NAGPA: variants seen among roughly 807,000 people sequenced by gnomAD.
The protein encoded by NAGPA is N-acetylglucosamine-1-phosphodiester alpha-N-acetylglucosaminidase.
In NAGPA, 56 loss-of-function variants were observed where a neutral mutation model predicts 48.5. The observed-to-expected ratio is 1.15, with a 90% CI of 0.93 to 1.44. NAGPA has a LOEUF of 1.44. NAGPA is among the 40% of genes most tolerant of loss of function. The pLI, the probability that NAGPA is intolerant of heterozygous loss-of-function variation, is 0.00. For missense variants in NAGPA, 888 were observed against 735.0 expected (o/e 1.21, Z -2.41); for synonymous variants, 399 against 315.5 (o/e 1.26, Z -2.81).
In NAGPA at chr16:5,033,165, A is replaced by T. The variant is rs1315958210; in HGVS notation, c.542+108T>A. 3 of 1,281,724 alleles carry T rather than the reference A, an allele frequency of 2.3e-6. No homozygotes were observed. Among genetic ancestry groups the T allele is most frequent in the African/African-American group, 1.5e-5 (1 of 68,034 alleles). 79.4% of individuals were successfully genotyped at this position (1,281,724 alleles called of 1,614,324 possible). A position where few individuals can be genotyped will look rare whatever the true frequency, so the allele number is the denominator to read the frequency against. ...GATTCCTATCCCCATTCTGCAGAGG[A>T]GGAAACAGGGGCTCAGCTTGGTTAA... On this transcript the variant is annotated intron_variant, in intron 2 of 9. Coordinates refer to ENST00000312251, the MANE Select transcript of NAGPA (RefSeq NM_016256.4). This position sits in a 1 kb window ranked among gnomAD's most constrained non-coding sequence, Gnocchi z 4.2.
chr16:5,031,880 G>C lies in NAGPA; in HGVS notation c.547C>G (p.Leu183Val). Residue 183 changes from leucine to valine, a missense_variant, in exon 3 of 10, where the codon CTG (leucine) becomes GTG (valine). Transcript: ENST00000312251. ...GTGTCCAGCACCTCCTCCTCAGACA[G>C]GTACCTGGATCCGGGGAAGGTGGGA... Reference protein sequence around the residue: ...RRDGTLVTGYLSEEEVLDTEN... With the variant: ...RRDGTLVTGYVSEEEVLDTEN... 6.2e-7 allele frequency: 1 copy of C among 1,614,136 alleles called. No individual in the cohort carries two copies. Among genetic ancestry groups the C allele is most frequent in the Non-Finnish European group, 8.5e-7 (1 of 1,180,016 alleles).
In NAGPA at chr16:5,027,887, C is replaced by T; in HGVS notation, c.1133G>A (p.Cys378Tyr). 6.3e-7 allele frequency: 1 copy of T among 1,589,850 alleles called. No homozygotes were observed. The change falls in exon 7 of 10, where the codon TGC (cysteine) becomes TAC (tyrosine). Residue 378 changes from cysteine to tyrosine, a missense_variant. Transcript: ENST00000312251. ...CCCGGTCCATCCGGCATCACAGCGG[C>T]AGCCGGCTGCCGAGACAAGACCGGG... ...SQHGLCTETGCRCDAGWTGSN... is the reference protein window; with the variant it reads ...SQHGLCTETGYRCDAGWTGSN...
At position 5,033,239 on chromosome 16, in the gene NAGPA, G is replaced by A. The variant is rs1956135161; in HGVS notation, c.542+34C>T. The A allele has an allele frequency of 6.4e-7, 1 of 1,563,186 alleles. No homozygotes were observed. Among genetic ancestry groups the A allele is most frequent in the Non-Finnish European group, 8.6e-7 (1 of 1,163,098 alleles). On this transcript the variant is annotated intron_variant, in intron 2 of 9. Transcript: ENST00000312251. The surrounding 1 kb of genome is among the most constrained non-coding windows in gnomAD (Gnocchi z 4.2). ...CTACAACCCAAATCTCAGGCCCTCTGCCCTCGACAGCACGGGGCTCCCTGC... is the reference window on the plus strand; with the variant it reads ...CTACAACCCAAATCTCAGGCCCTCTACCCTCGACAGCACGGGGCTCCCTGC...
At position 5,033,418 on chromosome 16, in the gene NAGPA, G is replaced by A. The variant is rs769705244; in HGVS notation, c.397C>T (p.Arg133Cys). Residue 133 changes from arginine to cysteine, a missense_variant, in exon 2 of 10, where the codon CGT becomes TGT. Coordinates refer to ENST00000312251, the MANE Select transcript of NAGPA (RefSeq NM_016256.4). This position sits in a 1 kb window ranked among gnomAD's most constrained non-coding sequence, Gnocchi z 4.2. ...VEETARAADC[R>C]VAQNGGFFRM... Reference sequence around the variant, plus strand: ...AAGAAGCCGCCGTTCTGGGCGACACGGCAGTCGGCCGCCCGCGCCGTCTCC... The same window carrying A: ...AAGAAGCCGCCGTTCTGGGCGACACAGCAGTCGGCCGCCCGCGCCGTCTCC... The A allele has an allele frequency of 6.3e-7, 1 of 1,595,896 alleles. No homozygotes were observed. Among genetic ancestry groups the A allele is most frequent in the Non-Finnish European group, 8.5e-7 (1 of 1,178,900 alleles).
At chr16:5,027,470 C>T in intron 7 of NAGPA, 91 bp from the exon 8 acceptor site, 1 of 1,355,030 alleles carries the variant, frequency 7.4e-7, no homozygotes, top group Non-Finnish European at 1.0e-6. Flanking sequence ...GGATACCTGC[C>T]CCTGCCCATG....
At position 5,033,806 on chromosome 16, in the gene NAGPA, C is replaced by G; in HGVS notation, c.86+23G>C. 1 of 1,560,002 alleles carries G rather than the reference C, an allele frequency of 6.4e-7. No homozygotes were observed. The highest frequency in any genetic ancestry group is 8.7e-7 in the Non-Finnish European group (1 of 1,152,918). On this transcript the variant is annotated intron_variant, in intron 1 of 9. Transcript: ENST00000312251. The surrounding 1 kb of genome is among the most constrained non-coding windows in gnomAD (Gnocchi z 4.2). Reference sequence around the variant, plus strand: ...GACAGGGGGGACCCCCCGAACCAGGCTGGCCCAGGGAGCTGCACTCACCCC... The same window carrying G: ...GACAGGGGGGACCCCCCGAACCAGGGTGGCCCAGGGAGCTGCACTCACCCC...
rs1956133949 is a variant in NAGPA, at chr16:5,033,205, G to A, written c.542+68C>T. On this transcript the variant is annotated intron_variant, in intron 2 of 9. Coordinates refer to ENST00000312251, the MANE Select transcript of NAGPA (RefSeq NM_016256.4). The surrounding 1 kb of genome is among the most constrained non-coding windows in gnomAD (Gnocchi z 4.2). ...AGCTTGGTTAAGTGACTTGAACACG[G>A]AGGCACGGCTACAACCCAAATCTCA... The A allele has an allele frequency of 1.3e-6, 2 of 1,519,120 alleles. No homozygotes were observed. The highest frequency in any genetic ancestry group is 1.8e-6 in the Non-Finnish European group (2 of 1,131,350). 94.1% of individuals were successfully genotyped at this position (1,519,120 alleles called of 1,614,324 possible).
chr16:5,027,354 C>A lies in NAGPA; in HGVS notation c.1200G>T (p.Pro400=), dbSNP rs776827982. The A allele has an allele frequency of 3.1e-6, 5 of 1,614,010 alleles. No individual in the cohort carries two copies. The South Asian group carries it at 5.5e-5, about 18-fold the overall frequency. ...CACACTTACAAGGCCTCTGGCAGCCCGGCCCATGCCAGCCAAGGGGACACT... is the reference window on the plus strand; with the variant it reads ...CACACTTACAAGGCCTCTGGCAGCCAGGCCCATGCCAGCCAAGGGGACACT... The part of the protein sequence containing the change: ...SEECPLGWHG[P]GCQRPCKCEH... The change falls in exon 8 of 10, where the codon CCG becomes CCT. Residue 400 remains proline, a synonymous_variant. Coordinates refer to ENST00000312251, the MANE Select transcript of NAGPA (RefSeq NM_016256.4).
chr16:5,025,919 C>T (rs1955992131), intron 9 of NAGPA, among the ~76,000 whole-genome samples: 1 of 151,944 alleles, frequency 6.6e-6, no homozygotes, highest in South Asian at 2.1e-4. Flanking sequence ...CGTGCTGCCC[C>T]ATCTCCTGAT....
At position 5,033,325 on chromosome 16, in the gene NAGPA, C is replaced by T. The variant is rs1243972266; in HGVS notation, c.490G>A (p.Gly164Arg). ...SDERRVSSSGGLQNAQFGIRR... is the reference protein window; with the variant it reads ...SDERRVSSSGRLQNAQFGIRR... ...ATCCCGAACTGCGCGTTCTGCAGCC[C>T]CCCGGAGCTGCTCACCCGCCGCTCG... is the stretch of plus-strand genomic sequence containing the variant. Residue 164 changes from glycine (G) to arginine (R), a missense_variant, in exon 2 of 10, where the codon GGG becomes AGG. Transcript: ENST00000312251. This position sits in a 1 kb window ranked among gnomAD's most constrained non-coding sequence, Gnocchi z 4.2. 1.9e-6 allele frequency: 3 copies of T among 1,597,646 alleles called. No homozygotes were observed. The highest frequency in any genetic ancestry group is 1.3e-5 in the African/African-American group (1 of 74,896).
chr16:5,027,404 G>C, intron 7 of NAGPA, 25 bp from the exon 8 acceptor site: 1 of 1,607,998 alleles, frequency 6.2e-7, no homozygotes, highest in Non-Finnish European at 8.5e-7. Flanking sequence ...TGGGAGGAGG[G>C]AGGAGGGAGG....
Position 5,033,917 on chromosome 16 carries a change from T to A in NAGPA, c.-3A>T. On this transcript the variant is annotated 5_prime_UTR_variant, in exon 1 of 10. Coordinates refer to ENST00000312251, the MANE Select transcript of NAGPA (RefSeq NM_016256.4). The surrounding 1 kb of genome is among the most constrained non-coding windows in gnomAD (Gnocchi z 4.2). The stretch of plus-strand genomic sequence containing the variant: ...CAGCGACCCGTGGAGGTCGCCATAT[T>A]GGACCGGGGCCTCGGGTCATGTGGG... 1 of 1,548,906 alleles carries A rather than the reference T, an allele frequency of 6.5e-7. No homozygotes were observed. Among genetic ancestry groups the A allele is most frequent in the Non-Finnish European group, 8.7e-7 (1 of 1,146,826 alleles).
chr16:5,028,223 C>G, intron 5 of NAGPA, 38 bp from the exon 6 acceptor site: 2 of 1,549,388 alleles, frequency 1.3e-6, no homozygotes, highest in South Asian at 2.4e-5. Flanking sequence ...AGGACACCCC[C>G]AGACGGCCCC....
intron 9 of NAGPA, 61 bp downstream of exon 9, chr16:5,027,074 G>A (rs1469715964): frequency 1.9e-6 from 3 of 1,587,134 alleles, no homozygotes; most frequent in South Asian, 1.1e-5. Flanking sequence ...CACAGGGGAA[G>A]GGTGCGGGAG....
In NAGPA at chr16:5,031,881, G is replaced by A; in HGVS notation, c.546C>T (p.Tyr182=). 2 of 1,614,110 alleles carry A rather than the reference G, an allele frequency of 1.2e-6. No individual in the cohort carries two copies. The highest frequency in any genetic ancestry group is 1.7e-6 in the Non-Finnish European group (2 of 1,179,998). Reference sequence around the variant, plus strand: ...TGTCCAGCACCTCCTCCTCAGACAGGTACCTGGATCCGGGGAAGGTGGGAA... The same window carrying A: ...TGTCCAGCACCTCCTCCTCAGACAGATACCTGGATCCGGGGAAGGTGGGAA... ...IRRDGTLVTG[Y]LSEEEVLDTE... Residue 182 remains tyrosine (Y), a synonymous_variant, in exon 3 of 10, where the codon TAC becomes TAT. Coordinates refer to ENST00000312251, the MANE Select transcript of NAGPA (RefSeq NM_016256.4).
chr16:5,031,829 T>G lies in NAGPA; in HGVS notation c.598A>C (p.Ser200Arg). ...DTENPFVQLL[S>R]GVVWLIRNGS... The stretch of plus-strand genomic sequence containing the variant: ...TTACGAATCAGCCACACGACCCCAC[T>G]CAGCAGCTGCACAAATGGGTTCTCA... The change falls in exon 3 of 10, where the codon AGT becomes CGT. Residue 200 changes from serine to arginine, a missense_variant. Transcript: ENST00000312251. The G allele has an allele frequency of 6.2e-7, 1 of 1,614,100 alleles. No individual in the cohort carries two copies. Among genetic ancestry groups the G allele is most frequent in the African/African-American group, 1.3e-5 (1 of 75,016 alleles).
chr16:5,025,426 G>T lies in NAGPA; in HGVS notation c.*52C>A. On this transcript the variant is annotated 3_prime_UTR_variant, in exon 10 of 10. Coordinates refer to ENST00000312251, the MANE Select transcript of NAGPA (RefSeq NM_016256.4). ...CTTGAAATTTCCCCTGCAGAAGCCA[G>T]ACCGTGGGGAAACAAGCTTTCGCGA... 6.2e-7 allele frequency: 1 copy of T among 1,600,236 alleles called. No individual in the cohort carries two copies. Among genetic ancestry groups the T allele is most frequent in the South Asian group, 1.1e-5 (1 of 90,672 alleles).
At chr16:5,030,234 C>T (rs918885084) in intron 4 of NAGPA, 151 bp downstream of exon 4, 2 of 712,408 alleles carry the variant, frequency 2.8e-6, no homozygotes, top group African/African-American at 1.8e-5. Flanking sequence ...AACCCTCATC[C>T]TGTGGGAAGG....
At chr16:5,025,716 G>T (rs1315266416) in intron 9 of NAGPA, 31 bp from the exon 10 acceptor site, 6 of 1,568,022 alleles carry the variant, frequency 3.8e-6, no homozygotes, top group African/African-American at 1.4e-5. Flanking sequence ...CCAAGTGGGG[G>T]ACTGCTGGGT....
Sources: allele counts gnomAD v4.1 joint callset (sites outside exome capture counted in the v4.1 genomes callset), GRCh38; gene constraint gnomAD v4.1.1; non-coding constraint Gnocchi (gnomAD v3.1); transcripts MANE v1.5; gene names NCBI Gene and HGNC (gene_info 2026-07-23, HGNC 2026-07-21).